CNTNAP2: variants seen among roughly 807,000 people sequenced by gnomAD.
The protein encoded by CNTNAP2 is contactin associated protein 2, also known as contactin-associated protein-like 2.
In CNTNAP2, 98 loss-of-function variants were observed where a neutral mutation model predicts 155.2. That is an observed-to-expected ratio of 0.63 (90% CI 0.54 to 0.75). The LOEUF (loss-of-function observed/expected upper bound fraction) is 0.75, where lower values mean the gene tolerates loss of function less well. Among genes scored for constraint, CNTNAP2 ranks in the 30% least tolerant of loss-of-function variants. The probability of loss-of-function intolerance (pLI) is 0.00; values close to 1 mark genes in which losing one functional copy is unlikely to be tolerated. For synonymous variants in CNTNAP2, 651 were observed against 631.2 expected, an observed-to-expected ratio of 1.03 and a Z score of -0.47; for missense variants, 1,727 against 1,688.1, an observed-to-expected ratio of 1.02 and a Z score of -0.40.
intron 20 of CNTNAP2, among the ~76,000 whole-genome samples, chr7:148,262,385 A>G (rs1171027544): frequency 6.6e-6 from 1 of 152,192 alleles, no homozygotes. Flanking sequence ...ATTGCCACAA[A>G]CTTAAGGACT....
chr7:147,964,331 C>T (rs1384030214), intron 14 of CNTNAP2, among the ~76,000 whole-genome samples: 2 of 152,146 alleles, frequency 1.3e-5, no homozygotes, highest in Non-Finnish European at 2.9e-5. Context: ...GCAGCCTGAG[C>T]AGACTAATCC....
rs186889236 is a variant in CNTNAP2 at position 147,187,090 on chromosome 7, C to G, written c.1348+54581C>G. Among the ~76,000 whole-genome samples, 12 of 152,110 alleles carry G rather than the reference C, an allele frequency of 7.9e-5. No homozygotes were observed. In the East Asian group the frequency reaches 2.3e-3, roughly 29 times the overall value. On this transcript the variant is annotated intron_variant, in intron 8 of 23. Transcript: ENST00000361727. ...ATAAGGAGGATTGCTTTTAGAATGTCAGTGATGGTGAAGCTGTGGAGAATG... is the reference window on the plus strand; with the variant it reads ...ATAAGGAGGATTGCTTTTAGAATGTGAGTGATGGTGAAGCTGTGGAGAATG...
rs961314418 is a variant in CNTNAP2, at chr7:147,408,482, C to A, written c.1670+12702C>A. Among the ~76,000 whole-genome samples the A allele has an allele frequency of 3.7e-4, 57 of 152,158 alleles. 1 individual carries two copies. The highest frequency in any genetic ancestry group is 3.7e-3 in the Admixed American group (57 of 15,272). ...TCCTAATGAAAGAGGACCTTGCGGC[C>A]GGGTGTGGTGGCTCACGCCTCTAAT... is the stretch of plus-strand genomic sequence containing the variant. On this transcript the variant is annotated intron_variant, in intron 10 of 23. Coordinates refer to ENST00000361727, the MANE Select transcript of CNTNAP2 (RefSeq NM_014141.6).
intron 22 of CNTNAP2, among the ~76,000 whole-genome samples, chr7:148,402,848 T>C (rs1472496432): frequency 6.6e-6 from 1 of 152,068 alleles, no homozygotes; most frequent in East Asian, 1.9e-4. Flanking sequence ...TTTTTTTGTC[T>C]CTGATATATG....
intron 3 of CNTNAP2, among the ~76,000 whole-genome samples, chr7:146,869,622 T>C (rs374876150): frequency 6.6e-6 from 1 of 152,096 alleles, no homozygotes; most frequent in South Asian, 2.1e-4. Context: ...AACAGTGCAG[T>C]CTTCAGTCTG....
chr7:146,523,745 A>G (rs767469437), intron 1 of CNTNAP2, among the ~76,000 whole-genome samples: 20 of 152,132 alleles, frequency 1.3e-4, no homozygotes, highest in Non-Finnish European at 2.1e-4. Context: ...TAAAGTTTCA[A>G]CAGCAACCCT....
chr7:148,200,426 C>T (rs901850608), intron 18 of CNTNAP2, among the ~76,000 whole-genome samples: 3 of 149,948 alleles, frequency 2.0e-5, no homozygotes, highest in African/African-American at 7.4e-5. Context: ...TTTTTAAAGA[C>T]CTCTGTCTCC....
At chr7:147,861,153 A>AGGG (rs749307710) in intron 13 of CNTNAP2, among the ~76,000 whole-genome samples, 4 of 152,338 alleles carry the variant, frequency 2.6e-5, no homozygotes, top group Admixed American at 6.5e-5. Context: ...GTGAGAAAGA[A>AGGG]CTAAGCTTCT....
chr7:146,717,538 G>A (rs1168365748), intron 1 of CNTNAP2, among the ~76,000 whole-genome samples: 6 of 151,884 alleles, frequency 4.0e-5, no homozygotes, highest in Non-Finnish European at 8.8e-5. Flanking sequence ...TGTAAAAGAA[G>A]CATCTGACAA....
At chr7:146,141,918 T>G (rs1229645943) in intron 1 of CNTNAP2, among the ~76,000 whole-genome samples, 1 of 152,156 alleles carries the variant, frequency 6.6e-6, no homozygotes, top group Admixed American at 6.6e-5. Flanking sequence ...TTTAATATTA[T>G]AGTCCACCAG....
At chr7:147,577,228 A>G (rs1253034826) in intron 12 of CNTNAP2, among the ~76,000 whole-genome samples, 1 of 152,026 alleles carries the variant, frequency 6.6e-6, no homozygotes, top group Non-Finnish European at 1.5e-5. Flanking sequence ...GCTGCTACTT[A>G]CTAACTACAA....
intron 21 of CNTNAP2, among the ~76,000 whole-genome samples, chr7:148,294,929 C>A (rs140427894): frequency 0.011 from 1,732 of 152,202 alleles, 36 homozygotes; most frequent in African/African-American, 0.039. Flanking sequence ...ATTTATTTTG[C>A]ATCTGTTTCA....
At chr7:148,085,666 A>G (rs996677569) in intron 15 of CNTNAP2, among the ~76,000 whole-genome samples, 3 of 151,952 alleles carry the variant, frequency 2.0e-5, no homozygotes, top group Admixed American at 1.3e-4. Context: ...GATTAAATAT[A>G]TTCTTTCTTC....
chr7:147,862,394 T>C (rs997053362), intron 13 of CNTNAP2, among the ~76,000 whole-genome samples: 3 of 96,008 alleles, frequency 3.1e-5, no homozygotes, highest in African/African-American at 1.3e-4. Context: ...ACAGAATAAA[T>C]TTCCTATAAC....
rs10544219 is a variant in CNTNAP2, at chr7:147,486,889, C to CTGTGTGTGTGTGTGTGTGTGTG, written c.1777+854_1777+875dup. ...GGTTAGTGTGTGCATACGTATGTGC[C>CTGTGTGTGTGTGTGTGTGTGTG]TGTGTGTGTGTGTGTGTGTGTGTGT... On this transcript the variant is annotated intron_variant, in intron 11 of 23. Coordinates refer to ENST00000361727, the MANE Select transcript of CNTNAP2 (RefSeq NM_014141.6). Among the ~76,000 whole-genome samples, 1,380 of 146,908 alleles carry CTGTGTGTGTGTGTGTGTGTGTG rather than the reference C, an allele frequency of 9.4e-3. 27 individuals are homozygous for CTGTGTGTGTGTGTGTGTGTGTG. The highest frequency in any genetic ancestry group is 0.034 in the South Asian group (153 of 4,468).
chr7:148,141,897 T>A (rs75405633), intron 16 of CNTNAP2, among the ~76,000 whole-genome samples: 2,689 of 152,176 alleles, frequency 0.018, 89 homozygotes, highest in African/African-American at 0.061. Flanking sequence ...TCAAATGTTG[T>A]GAAGGAGAAA....
chr7:146,399,405 A>G lies in CNTNAP2; in HGVS notation c.97+282432A>G, dbSNP rs147689120. ...GTTTGACACTTTTATGACTCCATTT[A>G]TACATGAGATCATGCTGTATTTGTC... On this transcript the variant is annotated intron_variant, in intron 1 of 23. Transcript: ENST00000361727. 3.4e-3 allele frequency among the ~76,000 whole-genome samples: 512 copies of G among 152,230 alleles called. 2 individuals are homozygous for G. Among genetic ancestry groups the G allele is most frequent in the African/African-American group, 0.011 (473 of 41,532 alleles).
intron 10 of CNTNAP2, among the ~76,000 whole-genome samples, chr7:147,479,235 C>A (rs1208567572): frequency 6.6e-6 from 1 of 152,226 alleles, no homozygotes; most frequent in Non-Finnish European, 1.5e-5. Flanking sequence ...CATAAAACTT[C>A]CATACACGCA....
At chr7:146,974,441 AAAAAAATAAAAAAT>A (rs939722261) in intron 3 of CNTNAP2, among the ~76,000 whole-genome samples, 3 of 151,256 alleles carry the variant, frequency 2.0e-5, no homozygotes, top group Non-Finnish European at 4.4e-5. Context: ...TCCGTCTTAA[AAAAAAATAAAAAAT>A]AAAAAAATAA....
Sources: gnomAD v4.1 joint callset for allele counts (sites outside exome capture counted in the v4.1 genomes callset) on GRCh38, gnomAD v4.1.1 for gene constraint, MANE v1.5 for transcripts, NCBI Gene and HGNC (gene_info 2026-07-23, HGNC 2026-07-21) for gene names.